FCHSD2: variants seen among roughly 807,000 people sequenced by gnomAD.
FCHSD2 encodes F-BAR and double SH3 domains protein 2.
A neutral mutation model predicts 108.1 loss-of-function variants in FCHSD2; 38 were observed. The observed-to-expected ratio is 0.35, with a 90% CI of 0.27 to 0.46. The LOEUF (loss-of-function observed/expected upper bound fraction) is 0.46. Ranked by LOEUF, FCHSD2 falls within the 20% of genes least tolerant of loss-of-function variation. FCHSD2 has a pLI of 1.00. For missense variants in FCHSD2, 751 were observed against 897.8 expected (o/e 0.84, Z 2.09); for synonymous variants, 279 against 314.7 (o/e 0.89, Z 1.20).
intron 12 of FCHSD2, among the ~76,000 whole-genome samples, chr11:72,885,516 C>T (rs1855179049): frequency 6.6e-6 from 1 of 152,064 alleles, no homozygotes. Flanking sequence ...ACTCTGTGTG[C>T]CTGATACCTA....
chr11:72,921,807 G>A (rs762524806), intron 9 of FCHSD2, 21 bp downstream of exon 9: 28 of 1,599,494 alleles, frequency 1.8e-5, no homozygotes, highest in African/African-American at 9.4e-5. Context: ...AACACTACAC[G>A]TTGCACTAAA....
At chr11:72,944,119 T>C (rs950438766) in intron 8 of FCHSD2, among the ~76,000 whole-genome samples, 2 of 152,060 alleles carry the variant, frequency 1.3e-5, no homozygotes, top group African/African-American at 4.8e-5. Flanking sequence ...TAAAACAATA[T>C]CCCTGATGAA....
At chr11:73,032,727 TA>T (rs961183072) in intron 3 of FCHSD2, among the ~76,000 whole-genome samples, 4 of 150,054 alleles carry the variant, frequency 2.7e-5, no homozygotes, top group Non-Finnish European at 5.9e-5. Flanking sequence ...AATTGACATC[TA>T]AAAAAAAAGA....
At chr11:72,927,426 G>A (rs1036907348) in intron 8 of FCHSD2, among the ~76,000 whole-genome samples, 1 of 152,154 alleles carries the variant, frequency 6.6e-6, no homozygotes, top group Non-Finnish European at 1.5e-5. Context: ...TTCATCAATT[G>A]CAACAAATGT....
At chr11:73,021,296 T>G in intron 3 of FCHSD2, among the ~76,000 whole-genome samples, 1 of 150,530 alleles carries the variant, frequency 6.6e-6, no homozygotes, top group South Asian at 2.1e-4. Flanking sequence ...AGCAAAGACA[T>G]GGAATCGACC....
At chr11:72,968,673 C>T (rs534183485) in intron 8 of FCHSD2, among the ~76,000 whole-genome samples, 1 of 152,252 alleles carries the variant, frequency 6.6e-6, no homozygotes, top group African/African-American at 2.4e-5. Flanking sequence ...ATTTCAGAAG[C>T]CCTGCAAACT....
At chr11:73,140,183 T>A (rs1295910583) in intron 1 of FCHSD2, 55 bp from the exon 2 acceptor site, 3 of 1,036,968 alleles carry the variant, frequency 2.9e-6, no homozygotes, top group Non-Finnish European at 4.2e-6. Context: ...CCCAAAAAAA[T>A]TGCTTCAGGA....
intron 13 of FCHSD2, among the ~76,000 whole-genome samples, chr11:72,863,806 T>C (rs1294401911): frequency 6.6e-6 from 1 of 152,194 alleles, no homozygotes; most frequent in Non-Finnish European, 1.5e-5. Context: ...TATTAGAATG[T>C]CTAAAGTTAA....
intron 4 of FCHSD2, among the ~76,000 whole-genome samples, chr11:73,009,741 A>G (rs902652216): frequency 6.6e-6 from 1 of 151,860 alleles, no homozygotes; most frequent in African/African-American, 2.4e-5. Flanking sequence ...CTTGGCCTGT[A>G]AAGGTTTCTG....
chr11:72,933,698 T>C (rs1465767936), intron 8 of FCHSD2, among the ~76,000 whole-genome samples: 2 of 152,238 alleles, frequency 1.3e-5, no homozygotes, highest in African/African-American at 4.8e-5. Context: ...TTACTATTCC[T>C]GGTTCTCTTC....
At chr11:72,882,647 C>G (rs1855113625) in intron 12 of FCHSD2, among the ~76,000 whole-genome samples, 2 of 152,184 alleles carry the variant, frequency 1.3e-5, no homozygotes, top group African/African-American at 2.4e-5. Flanking sequence ...TCACATGCAT[C>G]TCATAAATAT....
chr11:72,997,271 C>T (rs903404229), intron 5 of FCHSD2, among the ~76,000 whole-genome samples: 1 of 152,144 alleles, frequency 6.6e-6, no homozygotes, highest in Admixed American at 6.6e-5. Context: ...TCTTGGTAAG[C>T]ACCCTATATT....
rs143382984 is a variant in FCHSD2, at chr11:73,117,662, G to C, written c.119+22369C>G. Among the ~76,000 whole-genome samples the C allele has an allele frequency of 9.2e-5, 14 of 152,252 alleles. No individual in the cohort carries two copies. The East Asian group carries it at 2.7e-3, about 29-fold the overall frequency. On this transcript the variant is annotated intron_variant, in intron 2 of 19. Transcript: ENST00000409418. ...GCACAAGTAGGGGAATGGGAAGAAAGCTTCAACAGATTATTGCAAAATTTT... is the reference window on the plus strand; with the variant it reads ...GCACAAGTAGGGGAATGGGAAGAAACCTTCAACAGATTATTGCAAAATTTT...
chr11:72,878,805 G>A (rs777251282), intron 12 of FCHSD2, among the ~76,000 whole-genome samples: 2 of 152,146 alleles, frequency 1.3e-5, no homozygotes, highest in Non-Finnish European at 2.9e-5. Flanking sequence ...CCTAGAGCTT[G>A]TACAGGGTTG....
At chr11:72,937,033 G>C (rs1455073316) in intron 8 of FCHSD2, among the ~76,000 whole-genome samples, 4 of 152,164 alleles carry the variant, frequency 2.6e-5, no homozygotes, top group Middle Eastern at 6.8e-3. Context: ...CATTTAAATA[G>C]CAGATTTCTG....
rs2033370167 is a variant in FCHSD2 at position 72,902,569 on chromosome 11, G to C, written c.898C>G (p.Gln300Glu). 3 of 1,587,522 alleles carry C rather than the reference G, an allele frequency of 1.9e-6. No homozygotes were observed. Among genetic ancestry groups the C allele is most frequent in the Non-Finnish European group, 2.6e-6 (3 of 1,165,946 alleles). Residue 300 changes from glutamine (Q) to glutamate (E), a missense_variant, in exon 10 of 20, where the codon CAG (glutamine) becomes GAG (glutamate). Gln to Glu is a conservative substitution (Grantham distance 29). Coordinates refer to ENST00000409418, the MANE Select transcript of FCHSD2 (RefSeq NM_014824.3). ...GTATCACTGTCACAAGGCTGGAACT[G>C]GAAGGGCTGGGGTTTGTGAAATACA... ...NAVFHKPQPF[Q>E]FQPCDSDTSR... is the part of the protein sequence containing the mutation.
chr11:73,068,825 AAAAAAAAGAAAAAGAAAAAAAAATT>A (rs1443273851), intron 3 of FCHSD2, among the ~76,000 whole-genome samples: 1 of 149,956 alleles, frequency 6.7e-6, no homozygotes, highest in East Asian at 1.9e-4. Flanking sequence ...AAAAAAAAAA[AAAAAAAAGAAAAAGAAAAAAAAATT>A]AAAAAAACAA....
intron 5 of FCHSD2, among the ~76,000 whole-genome samples, chr11:72,995,090 T>G (rs546410257): frequency 6.6e-6 from 1 of 152,244 alleles, no homozygotes; most frequent in African/African-American, 2.4e-5. Context: ...TGTGGCCTTA[T>G]GTTTCTCACT....
intron 8 of FCHSD2, among the ~76,000 whole-genome samples, chr11:72,966,202 C>CGGGA (rs1555065885): frequency 6.6e-6 from 1 of 150,548 alleles, no homozygotes; most frequent in Non-Finnish European, 1.5e-5. Flanking sequence ...CTCTGTCGCC[C>CGGGA]AGGAAGGAGT....
Sources: allele counts gnomAD v4.1 joint callset (sites outside exome capture counted in the v4.1 genomes callset), GRCh38; gene constraint gnomAD v4.1.1; transcripts MANE v1.5; gene names NCBI Gene and HGNC (gene_info 2026-07-23, HGNC 2026-07-21).